The following DIP2C variants were observed in gnomAD, a reference collection of about 807,000 sequenced individuals.
DIP2C encodes the protein DIP2 acetate--CoA ligase C (putative), also known as disco-interacting protein 2 homolog C.
Under a neutral mutation model 192.4 loss-of-function variants are expected in DIP2C, and 33 were observed. The ratio of observed to expected loss-of-function variants is 0.17; its 90% CI spans 0.13 to 0.23. DIP2C has a LOEUF of 0.23. Among genes scored for constraint, DIP2C ranks in the 10% least tolerant of loss-of-function variants. DIP2C has a pLI of 1.00. For synonymous variants in DIP2C, 979 were observed against 864.1 expected (o/e 1.13, Z -2.33); for missense variants, 1,537 against 2,110.1 (o/e 0.73, Z 5.32).
At chr10:423,905 ATTTG>A (rs993911053) in intron 4 of DIP2C, among the ~76,000 whole-genome samples, 9 of 152,152 alleles carry the variant, frequency 5.9e-5, no homozygotes, top group African/African-American at 1.2e-4. Context: ...CCTTTACAGT[ATTTG>A]TTTCTTATAC....
chr10:635,660 C>T (rs552639374), intron 1 of DIP2C, among the ~76,000 whole-genome samples: 118 of 152,336 alleles, frequency 7.7e-4, no homozygotes, highest in African/African-American at 2.7e-3. Flanking sequence ...GGCCCAGCTG[C>T]GGGCACTGCC....
At chr10:540,919 G>A (rs1015324830) in intron 1 of DIP2C, among the ~76,000 whole-genome samples, 8 of 152,326 alleles carry the variant, frequency 5.3e-5, no homozygotes, top group Admixed American at 1.3e-4. Flanking sequence ...CACAGCAGCC[G>A]TGATAGGACA....
At chr10:325,025 G>A (rs764127523) in intron 31 of DIP2C, 2 of 509,456 alleles carry the variant, frequency 3.9e-6, no homozygotes, top group Non-Finnish European at 7.9e-6. Context: ...CAGCACTTTA[G>A]GAGGCAAAGG....
rs922413361 is a variant in DIP2C at position 531,525 on chromosome 10, G to A, written c.86-44995C>T. On this transcript the variant is annotated intron_variant, in intron 1 of 36. Coordinates refer to ENST00000280886, the MANE Select transcript of DIP2C (RefSeq NM_014974.3). ...CGAGGTATCATACGTGCCGTTCACCGAATTCCTAACACCAAAGGTTCAGGG... is the reference window on the plus strand; with the variant it reads ...CGAGGTATCATACGTGCCGTTCACCAAATTCCTAACACCAAAGGTTCAGGG... Among the ~76,000 whole-genome samples, 23 of 152,206 alleles carry A rather than the reference G, an allele frequency of 1.5e-4. 1 individual carries two copies. Among genetic ancestry groups the A allele is most frequent in the African/African-American group, 5.1e-4 (21 of 41,520 alleles).
At chr10:372,766 C>T (rs1462936612) in intron 17 of DIP2C, among the ~76,000 whole-genome samples, 1 of 152,104 alleles carries the variant, frequency 6.6e-6, no homozygotes, top group South Asian at 2.1e-4. Flanking sequence ...TCCCGACACA[C>T]AGGTGGGCAC....
intron 1 of DIP2C, among the ~76,000 whole-genome samples, chr10:591,078 G>A (rs965304839): frequency 5.0e-5 from 7 of 141,370 alleles, no homozygotes; most frequent in East Asian, 2.0e-4. Flanking sequence ...GAAAGAAGCC[G>A]CCACCTCCAT....
intron 1 of DIP2C, chr10:662,925 G>A (rs1164198462): frequency 1.4e-6 from 1 of 717,406 alleles, no homozygotes; most frequent in African/African-American, 1.7e-5. Context: ...AGAGGTGGAT[G>A]TACGCTAATG....
chr10:603,320 AAAAAAAAAAAAAAC>A (rs1363124411), intron 1 of DIP2C, among the ~76,000 whole-genome samples: 28 of 139,226 alleles, frequency 2.0e-4, no homozygotes, highest in African/African-American at 7.1e-4. Flanking sequence ...AAAAAAAAAA[AAAAAAAAAAAAAAC>A]CAACCATGAG....
Position 366,300 on chromosome 10 carries a change from G to A in DIP2C, c.2243C>T (p.Ser748Phe). 1 of 1,613,784 alleles carries A rather than the reference G, an allele frequency of 6.2e-7. No homozygotes were observed. The highest frequency in any genetic ancestry group is 8.5e-7 in the Non-Finnish European group (1 of 1,179,876). ...VATGTSYYGL[S>F]GMTKNTFEVF... ...CTCAAAGGTGTTCTTGGTCATGCCA[G>A]AGAGGCCATAGTAGGACGTGCCCGT... Residue 748 changes from serine to phenylalanine, a missense_variant, in exon 19 of 37, where the codon TCT (serine) becomes TTT (phenylalanine). Coordinates refer to ENST00000280886, the MANE Select transcript of DIP2C (RefSeq NM_014974.3).
intron 32 of DIP2C, among the ~76,000 whole-genome samples, chr10:307,855 C>T (rs1218093740): frequency 6.8e-6 from 1 of 147,506 alleles, no homozygotes; most frequent in African/African-American, 2.5e-5. Context: ...ATCTGGAGGG[C>T]AGCAGGGAGG....
intron 4 of DIP2C, among the ~76,000 whole-genome samples, chr10:428,540 T>C (rs549013622): frequency 6.6e-5 from 10 of 152,326 alleles, no homozygotes; most frequent in Middle Eastern, 3.4e-3. Context: ...CTCTGGAGTG[T>C]AACGTGTCTT....
chr10:353,702 G>C (rs1958932562), intron 24 of DIP2C, among the ~76,000 whole-genome samples: 1 of 152,148 alleles, frequency 6.6e-6, no homozygotes, highest in Non-Finnish European at 1.5e-5. Flanking sequence ...ATGAGCTTGT[G>C]ACTACACGGC....
chr10:343,037 C>T (rs7099052), intron 28 of DIP2C, among the ~76,000 whole-genome samples: 147,054 of 152,252 alleles, frequency 0.97, 71,198 homozygotes, highest in East Asian at 1. Context: ...CGCCTGTGAT[C>T]CCAGCACTTT....
At chr10:545,165 C>CTTTTT (rs1564836000) in intron 1 of DIP2C, among the ~76,000 whole-genome samples, 12 of 91,890 alleles carry the variant, frequency 1.3e-4, no homozygotes, top group African/African-American at 6.9e-4. Flanking sequence ...TGGTGTTTTC[C>CTTTTT]CTTTTTTTTT....
chr10:579,928 G>T (rs778838222), intron 1 of DIP2C, among the ~76,000 whole-genome samples: 1 of 151,508 alleles, frequency 6.6e-6, no homozygotes, highest in Admixed American at 6.6e-5. Flanking sequence ...GTACATATAG[G>T]TACACTATAA....
intron 1 of DIP2C, among the ~76,000 whole-genome samples, chr10:640,025 G>A (rs1855083494): frequency 6.7e-6 from 1 of 148,828 alleles, no homozygotes; most frequent in African/African-American, 2.5e-5. Flanking sequence ...ATCCCCACGC[G>A]GCTAAATCTC....
intron 1 of DIP2C, among the ~76,000 whole-genome samples, chr10:514,199 A>AC (rs1253072632): frequency 2.0e-5 from 3 of 146,748 alleles, no homozygotes; most frequent in African/African-American, 2.7e-5. Context: ...CTGAAGAACC[A>AC]CCCCCCTTCC....
At chr10:537,321 A>C (rs557076249) in intron 1 of DIP2C, among the ~76,000 whole-genome samples, 1 of 152,324 alleles carries the variant, frequency 6.6e-6, no homozygotes, top group South Asian at 2.1e-4. Flanking sequence ...TAAATGACTC[A>C]AACAGAGCAA....
intron 1 of DIP2C, among the ~76,000 whole-genome samples, chr10:673,321 A>G (rs1264465194): frequency 6.6e-6 from 1 of 152,220 alleles, no homozygotes; most frequent in East Asian, 1.9e-4. Flanking sequence ...CAGTCTCCTC[A>G]TCTGTACAAA....
Sources: allele counts gnomAD v4.1 joint callset (sites outside exome capture counted in the v4.1 genomes callset), GRCh38; gene constraint gnomAD v4.1.1; transcripts MANE v1.5; gene names NCBI Gene and HGNC (gene_info 2026-07-23, HGNC 2026-07-21).